Variants in SNTB1 observed in about 807,000 individuals in gnomAD.
SNTB1 encodes the protein syntrophin beta 1.
A neutral mutation model predicts 48.9 loss-of-function variants in SNTB1; 36 were observed. That is an observed-to-expected ratio of 0.74 (90% confidence interval 0.56 to 0.97). SNTB1 has a LOEUF of 0.97. SNTB1 is among the 50% of genes least tolerant of loss of function. The pLI, the probability that SNTB1 is intolerant of heterozygous loss-of-function variation, is 0.00. For synonymous variants in SNTB1, 299 were observed against 294.6 expected (o/e 1.01, Z -0.15); for missense variants, 786 against 703.4 (o/e 1.12, Z -1.33).
intron 1 of SNTB1, among the ~76,000 whole-genome samples, chr8:120,785,149 A>G (rs895466571): frequency 6.6e-6 from 1 of 152,054 alleles, no homozygotes; most frequent in African/African-American, 2.4e-5. Context: ...GTTTAGAGAA[A>G]CCCCCAGCTG....
In SNTB1 at chr8:120,541,811, A is replaced by G. The variant is rs772046290; in HGVS notation, c.1523T>C (p.Ile508Thr). The change falls in exon 6 of 7, where the codon ATT (isoleucine) becomes ACT (threonine). Residue 508 changes from isoleucine (I) to threonine (T), a missense_variant and splice_region_variant. Coordinates refer to ENST00000517992, the MANE Select transcript of SNTB1 (RefSeq NM_021021.4). ...YLDFGGKDGE[I>T]QLDLHSCPKP... ...CTGTCTAAAGAAAAGTACACTTACAATCTCTCCATCTTTGCCTCCAAAATC... is the reference window on the plus strand; with the variant it reads ...CTGTCTAAAGAAAAGTACACTTACAGTCTCTCCATCTTTGCCTCCAAAATC... 6.8e-6 allele frequency: 11 copies of G among 1,607,408 alleles called. No homozygotes were observed. In the East Asian group the frequency reaches 1.6e-4, roughly 23 times the overall value.
intron 3 of SNTB1, among the ~76,000 whole-genome samples, chr8:120,578,394 G>A (rs1011071638): frequency 6.6e-6 from 1 of 152,118 alleles, no homozygotes; most frequent in Non-Finnish European, 1.5e-5. Context: ...TGGTGCTATT[G>A]TTCTAGTGAC....
At chr8:120,615,615 C>T (rs556016294) in intron 3 of SNTB1, among the ~76,000 whole-genome samples, 1 of 152,310 alleles carries the variant, frequency 6.6e-6, no homozygotes, top group East Asian at 1.9e-4. Context: ...ATGGCATTAT[C>T]ATATTTCCAG....
At chr8:120,789,303 T>C (rs1819981902) in intron 1 of SNTB1, among the ~76,000 whole-genome samples, 1 of 151,208 alleles carries the variant, frequency 6.6e-6, no homozygotes. Context: ...AGATCAAAAA[T>C]TGATAATCTA....
intron 2 of SNTB1, chr8:120,637,033 TA>T: frequency 2.8e-6 from 1 of 360,180 alleles, no homozygotes; most frequent in Non-Finnish European, 5.4e-6. Flanking sequence ...GTCAAATCTA[TA>T]AGTAACTGAA....
At chr8:120,773,867 A>T (rs1405475433) in intron 1 of SNTB1, among the ~76,000 whole-genome samples, 1 of 152,272 alleles carries the variant, frequency 6.6e-6, no homozygotes, top group Non-Finnish European at 1.5e-5. Flanking sequence ...TAGGCTTTAA[A>T]GCCACATCTT....
intron 2 of SNTB1, 21 bp downstream of exon 2, chr8:120,693,671 G>A: frequency 3.7e-6 from 6 of 1,607,150 alleles, no homozygotes; most frequent in Non-Finnish European, 5.1e-6. Flanking sequence ...TGATACAGTG[G>A]AGAGTTTTGA....
chr8:120,743,993 G>A (rs1819084177), intron 1 of SNTB1, among the ~76,000 whole-genome samples: 1 of 152,012 alleles, frequency 6.6e-6, no homozygotes. Context: ...AGCCGGCCAT[G>A]GTGGCATATG....
intron 2 of SNTB1, among the ~76,000 whole-genome samples, chr8:120,684,655 A>AATTTT (rs1554652905): frequency 7.1e-6 from 1 of 141,714 alleles, no homozygotes; most frequent in African/African-American, 2.6e-5. Flanking sequence ...CAAAAATTGA[A>AATTTT]TTTTTTTTTT....
chr8:120,682,968 G>A (rs1473034390), intron 2 of SNTB1, among the ~76,000 whole-genome samples: 8 of 138,884 alleles, frequency 5.8e-5, no homozygotes, highest in Non-Finnish European at 1.1e-4. Flanking sequence ...TGCAACCTCC[G>A]CCTCCTGGGT....
intron 4 of SNTB1, among the ~76,000 whole-genome samples, 199 bp from the exon 5 acceptor site, chr8:120,549,157 A>G (rs1412560723): frequency 6.6e-6 from 1 of 152,214 alleles, no homozygotes; most frequent in Non-Finnish European, 1.5e-5. Flanking sequence ...CATCTGGACA[A>G]ATATGCAAGG....
intron 3 of SNTB1, among the ~76,000 whole-genome samples, chr8:120,597,319 G>A (rs1816342581): frequency 6.6e-6 from 1 of 152,210 alleles, no homozygotes; most frequent in Non-Finnish European, 1.5e-5. Context: ...AGGTCTATGA[G>A]AGAATAAATT....
At chr8:120,684,598 A>C (rs1218619359) in intron 2 of SNTB1, among the ~76,000 whole-genome samples, 1 of 152,178 alleles carries the variant, frequency 6.6e-6, no homozygotes, top group African/African-American at 2.4e-5. Context: ...AAAAATAGGA[A>C]GAAAGAAAGG....
chr8:120,727,676 A>AT (rs1311857103), intron 1 of SNTB1, among the ~76,000 whole-genome samples: 2 of 152,226 alleles, frequency 1.3e-5, no homozygotes, highest in Non-Finnish European at 2.9e-5. Context: ...TGTAGAGAAG[A>AT]TTCATGAAAG....
chr8:120,661,290 C>A (rs1817583800), intron 2 of SNTB1, among the ~76,000 whole-genome samples: 1 of 151,776 alleles, frequency 6.6e-6, no homozygotes, highest in Non-Finnish European at 1.5e-5. Flanking sequence ...CAAAGTTATC[C>A]TAGTTAAATG....
intron 2 of SNTB1, among the ~76,000 whole-genome samples, chr8:120,661,692 C>A (rs1302122728): frequency 6.6e-6 from 1 of 152,142 alleles, no homozygotes; most frequent in African/African-American, 2.4e-5. Flanking sequence ...GTCCCCCTCC[C>A]TGTGTCCATG....
At position 120,656,053 on chromosome 8, in the gene SNTB1, T is replaced by C. The variant is rs181537342; in HGVS notation, c.789-23402A>G. Among the ~76,000 whole-genome samples, 8 of 152,286 alleles carry C rather than the reference T, an allele frequency of 5.3e-5. No homozygotes were observed. The East Asian group carries it at 1.5e-3, about 29-fold the overall frequency. On this transcript the variant is annotated intron_variant, in intron 2 of 6. Coordinates refer to ENST00000517992, the MANE Select transcript of SNTB1 (RefSeq NM_021021.4). ...GTGGTTGGTGTTGAGCCTGTTTTTT[T>C]TGAAATTTTGAGGAAATCCGTGAAC...
chr8:120,539,654 A>T (rs1280765939), intron 6 of SNTB1, among the ~76,000 whole-genome samples: 1 of 152,186 alleles, frequency 6.6e-6, no homozygotes, highest in East Asian at 1.9e-4. Flanking sequence ...CAGAAGTTGA[A>T]TTTTATCACC....
intron 1 of SNTB1, among the ~76,000 whole-genome samples, chr8:120,774,769 TCAACCTCC>T (rs1410516170): frequency 5.6e-4 from 86 of 152,242 alleles, no homozygotes; most frequent in African/African-American, 2.0e-3. Flanking sequence ...TTCTCCTGCC[TCAACCTCC>T]CAAGTAGCTG....
Sources: allele counts gnomAD v4.1 joint callset (sites outside exome capture counted in the v4.1 genomes callset), GRCh38; gene constraint gnomAD v4.1.1; transcripts MANE v1.5; gene names NCBI Gene and HGNC (gene_info 2026-07-23, HGNC 2026-07-21).